Variants in NOS1AP observed in about 807,000 individuals in gnomAD.
NOS1AP encodes nitric oxide synthase 1 adaptor protein.
NOS1AP carries 21 observed loss-of-function variants against 56.2 expected under a neutral mutation model. The observed-to-expected ratio is 0.37, with a 90% CI of 0.26 to 0.54. The LOEUF is 0.54. Among genes scored for constraint, NOS1AP ranks in the 20% least tolerant of loss-of-function variants. The pLI, the probability that NOS1AP is intolerant of heterozygous loss-of-function variation, is 0.84. For missense variants in NOS1AP, 522 were observed against 657.8 expected, an observed-to-expected ratio of 0.79 and a Z score of 2.26; for synonymous variants, 270 against 274.6, an observed-to-expected ratio of 0.98 and a Z score of 0.17.
intron 2 of NOS1AP, among the ~76,000 whole-genome samples, chr1:162,276,840 G>A (rs1654747965): frequency 6.6e-6 from 1 of 152,114 alleles, no homozygotes; most frequent in Admixed American, 6.5e-5. Flanking sequence ...GTTTGATTTG[G>A]GGCCATCTTA....
chr1:162,103,212 G>A (rs1248918655), intron 1 of NOS1AP, among the ~76,000 whole-genome samples: 1 of 152,110 alleles, frequency 6.6e-6, no homozygotes, highest in Non-Finnish European at 1.5e-5. Flanking sequence ...TTCAGGAACA[G>A]GTTGTTCAAT....
At position 162,172,697 on chromosome 1, in the gene NOS1AP, G is replaced by GT. The variant is rs538742170; in HGVS notation, c.177+18229dup. Among the ~76,000 whole-genome samples the GT allele has an allele frequency of 1.5e-4, 23 of 151,922 alleles. No individual in the cohort carries two copies. The East Asian group carries it at 4.1e-3, about 27-fold the overall frequency. ...TTTCCCTTCTGTCAGGTGAGGAAAG[G>GT]TTTTTTTTGTTGTTGTTTGTTTTTG... On this transcript the variant is annotated intron_variant, in intron 2 of 9. Coordinates refer to ENST00000361897, the MANE Select transcript of NOS1AP (RefSeq NM_014697.3).
intron 1 of NOS1AP, among the ~76,000 whole-genome samples, chr1:162,147,056 G>A (rs979858451): frequency 2.6e-5 from 4 of 152,128 alleles, no homozygotes; most frequent in Admixed American, 6.5e-5. Context: ...AAGGCCGGGC[G>A]CGGTGGCTCA....
intron 1 of NOS1AP, among the ~76,000 whole-genome samples, chr1:162,100,388 G>A (rs1292523389): frequency 6.6e-6 from 1 of 152,216 alleles, no homozygotes; most frequent in Non-Finnish European, 1.5e-5. Flanking sequence ...GGCCAGTGAT[G>A]ATGAGCATTT....
Position 162,081,755 on chromosome 1 carries a change from G to T in NOS1AP, c.105+11473G>T, listed in dbSNP as rs368206254. ...CTATATATCTATATCTATATCTATA[G>T]ATATATATATATATATATATTTTTT... On this transcript the variant is annotated intron_variant, in intron 1 of 9. Coordinates refer to ENST00000361897, the MANE Select transcript of NOS1AP (RefSeq NM_014697.3). 4.0e-3 allele frequency among the ~76,000 whole-genome samples: 284 copies of T among 71,530 alleles called. 3 individuals are homozygous for T. The highest frequency in any genetic ancestry group is 6.8e-3 in the African/African-American group (134 of 19,790). The allele number at this position is 71,530 out of a possible 152,430, so 46.9% of individuals were successfully genotyped here.
chr1:162,176,666 G>A (rs185684228), intron 2 of NOS1AP, among the ~76,000 whole-genome samples: 10 of 151,902 alleles, frequency 6.6e-5, no homozygotes, highest in South Asian at 2.1e-4. Flanking sequence ...GTGCTACCAC[G>A]CCCAGCTACT....
At position 162,288,398 on chromosome 1, in the gene NOS1AP, G is replaced by A. The variant is rs182223350; in HGVS notation, c.270+962G>A. Among the ~76,000 whole-genome samples the A allele has an allele frequency of 5.3e-5, 8 of 152,260 alleles. No homozygotes were observed. In the East Asian group the frequency reaches 1.4e-3, roughly 26 times the overall value. On this transcript the variant is annotated intron_variant, in intron 3 of 9. Coordinates refer to ENST00000361897, the MANE Select transcript of NOS1AP (RefSeq NM_014697.3). ...GGACTTAAAGCAGACCTTGAATGTC[G>A]GGGCTAGAGGGAGAGAGTGTGGAGG...
At chr1:162,193,511 A>T (rs914647335) in intron 2 of NOS1AP, among the ~76,000 whole-genome samples, 2 of 152,130 alleles carry the variant, frequency 1.3e-5, no homozygotes, top group African/African-American at 4.8e-5. Flanking sequence ...GTCTGAGTGG[A>T]GTAAGGAGAG....
At chr1:162,073,188 G>A (rs531540550) in intron 1 of NOS1AP, among the ~76,000 whole-genome samples, 1 of 152,208 alleles carries the variant, frequency 6.6e-6, no homozygotes, top group Non-Finnish European at 1.5e-5. Context: ...TTCCCTAGGA[G>A]ATGGGTCTCC....
intron 1 of NOS1AP, among the ~76,000 whole-genome samples, chr1:162,129,656 A>C (rs1298311595): frequency 6.6e-6 from 1 of 152,162 alleles, no homozygotes; most frequent in Non-Finnish European, 1.5e-5. Context: ...CTGTTTTATT[A>C]AACTGCTCTA....
chr1:162,310,196 A>T (rs1372918800), intron 4 of NOS1AP, among the ~76,000 whole-genome samples: 4 of 152,182 alleles, frequency 2.6e-5, no homozygotes, highest in Non-Finnish European at 5.9e-5. Context: ...GGTCAAAGGC[A>T]CAAAGGGTCA....
chr1:162,200,063 CTTG>C (rs1193994192), intron 2 of NOS1AP, among the ~76,000 whole-genome samples: 2 of 152,140 alleles, frequency 1.3e-5, no homozygotes, highest in Non-Finnish European at 2.9e-5. Flanking sequence ...ACTTCCTTGG[CTTG>C]GGTTCTTCCA....
At chr1:162,159,622 A>G (rs1650115500) in intron 2 of NOS1AP, among the ~76,000 whole-genome samples, 1 of 151,972 alleles carries the variant, frequency 6.6e-6, no homozygotes, top group South Asian at 2.1e-4. Context: ...TTGTCCTCTC[A>G]TGTTCTGTGG....
intron 4 of NOS1AP, among the ~76,000 whole-genome samples, chr1:162,309,065 T>C (rs4656364): frequency 0.13 from 19,434 of 152,238 alleles, 1,622 homozygotes; most frequent in African/African-American, 0.23. Context: ...TACTCTGTTT[T>C]TGTTATAAAA....
In NOS1AP at chr1:162,289,464, C is replaced by CTTTTTTTTTTTTTT. The variant is rs565786964; in HGVS notation, c.270+2032_270+2033insTTTTTTTTTTTTTT. 1.3e-4 allele frequency among the ~76,000 whole-genome samples: 6 copies of CTTTTTTTTTTTTTT among 45,050 alleles called. 3 individuals carry two copies. Among genetic ancestry groups the CTTTTTTTTTTTTTT allele is most frequent in the African/African-American group, 1.6e-4 (2 of 12,644 alleles). 29.6% of individuals were successfully genotyped at this position (45,050 alleles called of 152,430 possible). On this transcript the variant is annotated intron_variant, in intron 3 of 9. Transcript: ENST00000361897. ...TGGCGCCTGCCACCACGCCCAGCTA[C>CTTTTTTTTTTTTTT]TTTTCTTTTTTTTTTTTTTTTTTTT...
intron 2 of NOS1AP, among the ~76,000 whole-genome samples, chr1:162,225,959 G>A (rs1052599054): frequency 5.3e-5 from 8 of 152,156 alleles, no homozygotes; most frequent in Non-Finnish European, 8.8e-5. Context: ...ATAGAGAAAC[G>A]AAAGCAAGAT....
intron 4 of NOS1AP, among the ~76,000 whole-genome samples, chr1:162,331,689 G>T (rs1656776189): frequency 6.6e-6 from 1 of 152,164 alleles, no homozygotes; most frequent in South Asian, 2.1e-4. Context: ...GTTGTTAGTG[G>T]TGAAAAATGT....
At chr1:162,249,699 A>G (rs975835978) in intron 2 of NOS1AP, among the ~76,000 whole-genome samples, 7 of 152,222 alleles carry the variant, frequency 4.6e-5, no homozygotes, top group African/African-American at 1.4e-4. Context: ...GAAATTTGGG[A>G]TACAATCATG....
At chr1:162,130,501 C>G (rs984577451) in intron 1 of NOS1AP, among the ~76,000 whole-genome samples, 2 of 152,176 alleles carry the variant, frequency 1.3e-5, no homozygotes, top group Admixed American at 1.3e-4. Flanking sequence ...CAGGCAGTAT[C>G]CCTGTGACTA....
Sources: allele counts gnomAD v4.1 joint callset (sites outside exome capture counted in the v4.1 genomes callset), GRCh38; gene constraint gnomAD v4.1.1; transcripts MANE v1.5; gene names NCBI Gene and HGNC (gene_info 2026-07-23, HGNC 2026-07-21).